MED14: variants seen among roughly 807,000 people sequenced by gnomAD.
MED14 encodes mediator of RNA polymerase II transcription subunit 14.
A neutral mutation model predicts 109.0 loss-of-function variants in MED14; 8 were observed. That is an observed-to-expected ratio of 0.07 (90% CI 0.04 to 0.13). The LOEUF (loss-of-function observed/expected upper bound fraction) is 0.13, where lower values mean the gene tolerates loss of function less well. MED14 is among the 10% of genes least tolerant of loss of function. The pLI is 1.00. For synonymous variants in MED14, 399 were observed against 408.7 expected, an observed-to-expected ratio of 0.98 and a Z score of 0.29; for missense variants, 711 against 1,142.4, an observed-to-expected ratio of 0.62 and a Z score of 5.44.
At chrX:40,693,021 AAAG>A (rs1930588689) in intron 13 of MED14, 119 bp from the exon 14 acceptor site, 1 of 541,051 alleles carries the variant, frequency 1.8e-6, no homozygotes, top group Non-Finnish European at 2.7e-6. Context: ...TAAAAAAAAA[AAAG>A]GTTAAATCAA....
intron 1 of MED14, among the ~76,000 whole-genome samples, chrX:40,730,914 G>A (rs1932058681): frequency 1.0e-5 from 1 of 100,502 alleles, no homozygotes; most frequent in African/African-American, 3.6e-5. Context: ...TGGTGGCGGG[G>A]GGGTGGGGTG....
chrX:40,728,457 G>C (rs1250125764), intron 2 of MED14, among the ~76,000 whole-genome samples: 1 of 109,538 alleles, frequency 9.1e-6, no homozygotes, highest in African/African-American at 3.3e-5. Flanking sequence ...TCTCTAATTC[G>C]ATCAAAAAGT....
At chrX:40,715,464 T>C (rs1346522977) in intron 3 of MED14, among the ~76,000 whole-genome samples, 2 of 110,859 alleles carry the variant, frequency 1.8e-5, no homozygotes, top group Non-Finnish European at 1.9e-5. Flanking sequence ...ATGAAACTAC[T>C]AGAAGAAAGC....
rs762609639 is a variant in MED14 at position 40,733,798 on chromosome X, T to A, written c.215+1400A>T. Among the ~76,000 whole-genome samples the A allele has an allele frequency of 2.7e-5, 3 of 111,481 alleles. No individual in the cohort carries two copies. The East Asian group carries it at 8.4e-4, about 31-fold the overall frequency. On this transcript the variant is annotated intron_variant, in intron 1 of 30. Transcript: ENST00000324817. Reference sequence around the variant, plus strand: ...TGGAATCAGGAGTTTGGTGCTGGAGTTGCTATGTTGAAATGCCCATCAAGA... The same window carrying A: ...TGGAATCAGGAGTTTGGTGCTGGAGATGCTATGTTGAAATGCCCATCAAGA...
intron 13 of MED14, among the ~76,000 whole-genome samples, chrX:40,696,809 C>T (rs1300707091): frequency 8.9e-6 from 1 of 111,747 alleles, no homozygotes; most frequent in Non-Finnish European, 1.9e-5. Flanking sequence ...TAGGCCTCAT[C>T]ACAGGACAGA....
chrX:40,656,574 A>G (rs774202883), intron 28 of MED14, among the ~76,000 whole-genome samples: 92 of 112,463 alleles, frequency 8.2e-4, no homozygotes, highest in South Asian at 1.8e-3. Context: ...GCAATTCTAC[A>G]GGTATACTGG....
chrX:40,711,453 G>A (rs192987831), intron 7 of MED14, 152 bp from the exon 8 acceptor site: 79 of 397,656 alleles, frequency 2.0e-4, no homozygotes, highest in Non-Finnish European at 2.6e-4. Context: ...ATGCCTCATC[G>A]TAAAAAGTAT....
rs368537403 is a variant in MED14 at position 40,692,681 on chromosome X, T to A, written c.1845+27A>T. 9 of 1,171,706 alleles carry A rather than the reference T, an allele frequency of 7.7e-6. No homozygotes were observed. In the African/African-American group the frequency reaches 1.6e-4, roughly 21 times the overall value. The stretch of plus-strand genomic sequence containing the variant: ...CAACCAAGTTAACACACACAAATTC[T>A]GTGCTCATTTTCATATGGAATCATA... On this transcript the variant is annotated intron_variant, in intron 14 of 30. Coordinates refer to ENST00000324817, the MANE Select transcript of MED14 (RefSeq NM_004229.4).
Position 40,651,365 on chromosome X carries a change from G to A in MED14, c.*441C>T. On this transcript the variant is annotated 3_prime_UTR_variant, in exon 31 of 31. Transcript: ENST00000324817. ...ACATTTCATGTAAGGATTCAAAGCGGTCATATTAAAATACAGCTTCAATAT... is the reference window on the plus strand; with the variant it reads ...ACATTTCATGTAAGGATTCAAAGCGATCATATTAAAATACAGCTTCAATAT... 1.3e-6 allele frequency: 1 copy of A among 750,107 alleles called. No homozygotes were observed. Among genetic ancestry groups the A allele is most frequent in the Non-Finnish European group, 1.6e-6 (1 of 635,300 alleles). The allele number at this position is 750,107 out of a possible 1,213,427, so 61.8% of individuals were successfully genotyped here. A position where few individuals can be genotyped will look rare whatever the true frequency, so the allele number is the denominator to read the frequency against.
chrX:40,659,177 C>CT, intron 28 of MED14, 50 bp downstream of exon 28: 1 of 920,442 alleles, frequency 1.1e-6, no homozygotes, highest in Non-Finnish European at 1.5e-6. Context: ...CCCACCAACT[C>CT]TAACCTCCTC....
At position 40,649,773 on chromosome X, in the gene MED14, A is replaced by G. The variant is rs1184927486; in HGVS notation, c.*2033T>C. On this transcript the variant is annotated 3_prime_UTR_variant, in exon 31 of 31. Transcript: ENST00000324817. ...AATAAGGTATATATCAATTCCAAGT[A>G]CCAAGCATAATATAAAAATTCAAAT... 1.2e-6 allele frequency: 1 copy of G among 805,393 alleles called. No homozygotes were observed. The highest frequency in any genetic ancestry group is 2.3e-5 in the African/African-American group (1 of 43,496). The allele number at this position is 805,393 out of a possible 1,213,427, so 66.4% of individuals were successfully genotyped here.
In MED14 at chrX:40,692,348, A is replaced by T. The variant is rs763259397; in HGVS notation, c.1846-31T>A. On this transcript the variant is annotated intron_variant, in intron 14 of 30. Coordinates refer to ENST00000324817, the MANE Select transcript of MED14 (RefSeq NM_004229.4). ...ATTTAAGTAAAGAACACAAACAGGT[A>T]AAAAAAAAAAAAAAAGTACATGTGA... The T allele has an allele frequency of 4.3e-4, 34 of 79,126 alleles. No individual in the cohort carries two copies. The South Asian group carries it at 8.0e-3, about 19-fold the overall frequency. 6.5% of individuals were successfully genotyped at this position (79,126 alleles called of 1,213,427 possible).
At chrX:40,690,151 G>A (rs1453580651) in intron 15 of MED14, among the ~76,000 whole-genome samples, 1 of 112,044 alleles carries the variant, frequency 8.9e-6, no homozygotes, top group Non-Finnish European at 1.9e-5. Flanking sequence ...CAAGAACACA[G>A]TCAATTACAT....
chrX:40,652,636 G>A (rs1928916648), intron 30 of MED14, among the ~76,000 whole-genome samples: 1 of 111,292 alleles, frequency 9.0e-6, no homozygotes, highest in Non-Finnish European at 1.9e-5. Context: ...ATGGGTGTGG[G>A]AGGTGGGGTG....
At chrX:40,693,041 C>CA (rs1930590952) in intron 13 of MED14, 139 bp from the exon 14 acceptor site, 23 of 429,644 alleles carry the variant, frequency 5.4e-5, no homozygotes, top group South Asian at 7.3e-5. Context: ...TCAATCGTAT[C>CA]AAAAAAAAGC....
chrX:40,702,062 T>C (rs372333970), intron 11 of MED14, among the ~76,000 whole-genome samples: 2 of 111,778 alleles, frequency 1.8e-5, no homozygotes, highest in South Asian at 7.4e-4. Context: ...CAGCTGTCTA[T>C]ATACAATCTA....
intron 15 of MED14, among the ~76,000 whole-genome samples, chrX:40,691,889 G>A (rs1049700142): frequency 4.5e-5 from 5 of 110,246 alleles, no homozygotes; most frequent in African/African-American, 1.7e-4. Context: ...TGGGATTACA[G>A]GTGTGAGCCA....
In MED14 at chrX:40,649,344, G is replaced by T; in HGVS notation, c.*2462C>A. On this transcript the variant is annotated 3_prime_UTR_variant, in exon 31 of 31. Transcript: ENST00000324817. ...ACATAAGGTTCGACTCCTGTTATTA[G>T]CGACTTGACACGTTCTGCTGAAGCT... 6.8e-6 allele frequency: 1 copy of T among 147,422 alleles called. No homozygotes were observed. Among genetic ancestry groups the T allele is most frequent in the Non-Finnish European group, 1.3e-5 (1 of 76,310 alleles). 12.1% of individuals were successfully genotyped at this position (147,422 alleles called of 1,213,427 possible). A position where few individuals can be genotyped will look rare whatever the true frequency, so the allele number is the denominator to read the frequency against.
chrX:40,712,110 C>T, intron 7 of MED14, 76 bp downstream of exon 7: 1 of 783,527 alleles, frequency 1.3e-6, no homozygotes, highest in Non-Finnish European at 1.9e-6. Context: ...CAGTTCAAGA[C>T]TAAGGACAAA....
Sources: gnomAD v4.1 joint callset for allele counts (sites outside exome capture counted in the v4.1 genomes callset) on GRCh38, gnomAD v4.1.1 for gene constraint, MANE v1.5 for transcripts, NCBI Gene and HGNC (gene_info 2026-07-23, HGNC 2026-07-21) for gene names.